Variants in EPB41L4A observed in about 807,000 individuals in gnomAD.
EPB41L4A encodes the protein band 4.1-like protein 4A.
EPB41L4A carries 100 observed loss-of-function variants against 108.6 expected under a neutral mutation model. The observed-to-expected ratio is 0.92, with a 90% CI of 0.78 to 1.09. The LOEUF is 1.09. Among genes scored for constraint, EPB41L4A ranks in the 50% least tolerant of loss-of-function variants. EPB41L4A has a pLI of 0.00. For missense variants in EPB41L4A, 1,030 were observed against 842.7 expected (o/e 1.22, Z -2.75); for synonymous variants, 319 against 289.0 (o/e 1.10, Z -1.05).
chr5:112,166,014 G>A (rs1424814943), intron 22 of EPB41L4A, among the ~76,000 whole-genome samples: 1 of 152,204 alleles, frequency 6.6e-6, no homozygotes, highest in East Asian at 1.9e-4. Context: ...GAACACCAGT[G>A]AATGTGAGAG....
chr5:112,219,714 G>C (rs1027860834), intron 12 of EPB41L4A, among the ~76,000 whole-genome samples: 11 of 151,652 alleles, frequency 7.3e-5, no homozygotes, highest in Non-Finnish European at 1.6e-4. Context: ...AATTTTTTTT[G>C]AGACAGAGTC....
intron 22 of EPB41L4A, 96 bp downstream of exon 22, chr5:112,168,643 C>A: frequency 1.2e-6 from 1 of 854,380 alleles, no homozygotes; most frequent in Non-Finnish European, 1.9e-6. Flanking sequence ...GGTTTCATTG[C>A]CTGCCCTACC....
chr5:112,260,676 T>G (rs1751433415), intron 7 of EPB41L4A, among the ~76,000 whole-genome samples: 1 of 152,180 alleles, frequency 6.6e-6, no homozygotes, highest in Non-Finnish European at 1.5e-5. Flanking sequence ...TAGAGAACCT[T>G]TATTTTAAGG....
At chr5:112,386,089 G>A (rs1428691634) in intron 1 of EPB41L4A, among the ~76,000 whole-genome samples, 1 of 152,212 alleles carries the variant, frequency 6.6e-6, no homozygotes. Context: ...ATGGAATGAA[G>A]TGATGCACTG....
intron 10 of EPB41L4A, 114 bp downstream of exon 10, chr5:112,240,605 A>T: frequency 1.6e-6 from 1 of 610,676 alleles, no homozygotes; most frequent in Non-Finnish European, 2.8e-6. Context: ...GAATTGAGAA[A>T]ATTAATAAAA....
chr5:112,165,472 T>C (rs1392752689), intron 22 of EPB41L4A, among the ~76,000 whole-genome samples: 1 of 152,202 alleles, frequency 6.6e-6, no homozygotes, highest in Non-Finnish European at 1.5e-5. Context: ...TTGGAGGCAA[T>C]TTATAATCCC....
At chr5:112,170,437 G>A (rs1181384410) in intron 19 of EPB41L4A, 68 bp from the exon 20 acceptor site, 20 of 1,025,742 alleles carry the variant, frequency 1.9e-5, no homozygotes, top group South Asian at 2.8e-5. Flanking sequence ...TTTCACAATC[G>A]GCAGGTGAGT....
intron 12 of EPB41L4A, among the ~76,000 whole-genome samples, chr5:112,211,470 TA>T (rs1342028351): frequency 6.6e-6 from 1 of 151,986 alleles, no homozygotes; most frequent in Non-Finnish European, 1.5e-5. Context: ...TAATCCCAGA[TA>T]CTCAGGAGGC....
At chr5:112,402,922 C>G (rs565540164) in intron 1 of EPB41L4A, among the ~76,000 whole-genome samples, 2 of 151,982 alleles carry the variant, frequency 1.3e-5, no homozygotes, top group African/African-American at 4.8e-5. Context: ...AGCGGTTAGT[C>G]GTATGTTTAC....
At chr5:112,414,133 T>A (rs1312393943) in intron 1 of EPB41L4A, among the ~76,000 whole-genome samples, 1 of 152,212 alleles carries the variant, frequency 6.6e-6, no homozygotes, top group Non-Finnish European at 1.5e-5. Flanking sequence ...TTAGAGCCTA[T>A]GCTTTTAATC....
chr5:112,399,972 T>C (rs1213253778), intron 1 of EPB41L4A, among the ~76,000 whole-genome samples: 4 of 152,218 alleles, frequency 2.6e-5, no homozygotes, highest in African/African-American at 9.6e-5. Context: ...TGTTAGGCCG[T>C]TCTTGCATTG....
At chr5:112,406,871 G>A (rs922129823) in intron 1 of EPB41L4A, among the ~76,000 whole-genome samples, 1 of 152,056 alleles carries the variant, frequency 6.6e-6, no homozygotes, top group South Asian at 2.1e-4. Context: ...GAAAGTGTGG[G>A]CTGGATTAGA....
intron 15 of EPB41L4A, among the ~76,000 whole-genome samples, chr5:112,200,447 A>G (rs1335872987): frequency 6.6e-6 from 1 of 152,174 alleles, no homozygotes; most frequent in East Asian, 1.9e-4. Context: ...TCCCTTAAGT[A>G]CCACATAGCT....
intron 9 of EPB41L4A, among the ~76,000 whole-genome samples, chr5:112,244,664 T>C (rs1750078361): frequency 6.6e-6 from 1 of 152,154 alleles, no homozygotes. Flanking sequence ...CTTATGCAAA[T>C]AGGCTTTCCA....
intron 1 of EPB41L4A, among the ~76,000 whole-genome samples, chr5:112,401,000 C>T (rs1263859295): frequency 2.0e-5 from 3 of 151,940 alleles, no homozygotes; most frequent in Non-Finnish European, 2.9e-5. Flanking sequence ...TAAGAAGTTC[C>T]AAAAAATGAG....
intron 11 of EPB41L4A, 56 bp downstream of exon 11, chr5:112,239,604 C>A: frequency 9.0e-7 from 1 of 1,112,718 alleles, no homozygotes; most frequent in Middle Eastern, 2.1e-4. Context: ...TGTATGACAG[C>A]TGAATTAAGT....
intron 1 of EPB41L4A, among the ~76,000 whole-genome samples, chr5:112,384,603 G>A (rs10515445): frequency 0.029 from 4,472 of 151,650 alleles, 237 homozygotes; most frequent in African/African-American, 0.1. Context: ...TGTACTACCC[G>A]GGAAGATAGT....
In EPB41L4A at chr5:112,272,300, G is replaced by A. The variant is rs1427972609; in HGVS notation, c.335+3026C>T. 4.0e-5 allele frequency among the ~76,000 whole-genome samples: 6 copies of A among 151,200 alleles called. No individual in the cohort carries two copies. The East Asian group carries it at 7.9e-4, about 20-fold the overall frequency. On this transcript the variant is annotated intron_variant, in intron 4 of 22. Coordinates refer to ENST00000261486, the MANE Select transcript of EPB41L4A (RefSeq NM_022140.5). ...GGAGTACAGGTGCCCGCCGCCACGC[G>A]CAGCTGATTTTTGTATTTTTTTAGT...
chr5:112,323,381 C>A (rs571303458), intron 1 of EPB41L4A, among the ~76,000 whole-genome samples: 2 of 152,318 alleles, frequency 1.3e-5, no homozygotes, highest in East Asian at 3.9e-4. Flanking sequence ...TGTAACCACA[C>A]ATCTTACTAT....
Sources: gnomAD v4.1 joint callset for allele counts (sites outside exome capture counted in the v4.1 genomes callset) on GRCh38, gnomAD v4.1.1 for gene constraint, MANE v1.5 for transcripts, NCBI Gene and HGNC (gene_info 2026-07-23, HGNC 2026-07-21) for gene names.